The following RASGRP4 variants were observed in gnomAD, a reference collection of about 807,000 sequenced individuals.
RASGRP4 encodes the protein RAS guanyl-releasing protein 4.
Under a neutral mutation model 84.4 loss-of-function variants are expected in RASGRP4, and 52 were observed. The observed-to-expected ratio is 0.62, with a 90% CI of 0.49 to 0.78. RASGRP4 has a LOEUF of 0.78. RASGRP4 is among the 30% of genes least tolerant of loss of function. RASGRP4 has a pLI of 0.00. For missense variants in RASGRP4, 760 were observed against 886.9 expected (o/e 0.86, Z 1.82); for synonymous variants, 356 against 359.1 (o/e 0.99, Z 0.10).
Position 38,418,307 on chromosome 19 carries a change from A to C in RASGRP4, c.837+84T>G. 1.4e-6 allele frequency: 2 copies of C among 1,412,970 alleles called. No individual in the cohort carries two copies. The highest frequency in any genetic ancestry group is 1.9e-6 in the Non-Finnish European group (2 of 1,028,494). 87.5% of individuals were successfully genotyped at this position (1,412,970 alleles called of 1,614,324 possible). ...GATGCGTGACGTCACCGCCGGGATG[A>C]CCCTGTGGGGTCGAGGGTCTGGAAG... On this transcript the variant is annotated intron_variant, in intron 7 of 16. Coordinates refer to ENST00000615439, the MANE Select transcript of RASGRP4 (RefSeq NM_170604.3). The surrounding 1 kb of genome is among the most constrained non-coding windows in gnomAD (Gnocchi z 4.6).
At position 38,415,062 on chromosome 19, in the gene RASGRP4, G is replaced by T. The variant is rs758230627; in HGVS notation, c.1016C>A (p.Thr339Asn). 8.1e-6 allele frequency: 13 copies of T among 1,605,404 alleles called. No individual in the cohort carries two copies. The highest frequency in any genetic ancestry group is 2.2e-5 in the South Asian group (2 of 89,910). Residue 339 changes from threonine to asparagine, a missense_variant, in exon 9 of 17, where the codon ACC (threonine) becomes AAC (asparagine). Transcript: ENST00000615439. ...CCGGAAACCCGCGCAGCCAGCCCAG[G>T]TGCGGCGGTAGCGGGCGTAGTTGTT... ...SHNNYARYRR[T>N]WAGCAGFRLP...
At chr19:38,415,557 G>C (rs1447639271) in intron 8 of RASGRP4, among the ~76,000 whole-genome samples, 1 of 151,598 alleles carries the variant, frequency 6.6e-6, no homozygotes, top group Non-Finnish European at 1.5e-5. Flanking sequence ...ATTTTTAGTA[G>C]AGACAGGGTT....
intron 2 of RASGRP4, 79 bp from the exon 3 acceptor site, chr19:38,421,279 AC>A (rs1241204256): frequency 1.0e-5 from 11 of 1,058,900 alleles, no homozygotes; most frequent in Non-Finnish European, 1.4e-5. Flanking sequence ...CTGCCGGACC[AC>A]CTGGTTCAAA....
rs1182561638 is a variant in RASGRP4 at position 38,418,836 on chromosome 19, T to C, written c.664-272A>G. Among the ~76,000 whole-genome samples, 2 of 152,186 alleles carry C rather than the reference T, an allele frequency of 1.3e-5. No individual in the cohort carries two copies. The highest frequency in any genetic ancestry group is 2.9e-5 in the Non-Finnish European group (2 of 68,048). ...TCCTCATAACTCTATGAGGTGAGTA[T>C]CATTCCATTTTAGAGGTGAGACAGT... On this transcript the variant is annotated intron_variant, in intron 6 of 16. Transcript: ENST00000615439. The surrounding 1 kb of genome is among the most constrained non-coding windows in gnomAD (Gnocchi z 4.6).
In RASGRP4 at chr19:38,418,573, G is replaced by A. The variant is rs1971607619; in HGVS notation, c.664-9C>T. ...CTCCGCAGGTCCTGGGGCTGGGAGC[G>A]AGGTGGGTGTCAAGGTGGGCCGTGG... On this transcript the variant is annotated splice_polypyrimidine_tract_variant and intron_variant, in intron 6 of 16. Transcript: ENST00000615439. This position sits in a 1 kb window ranked among gnomAD's most constrained non-coding sequence, Gnocchi z 4.6. 2 of 1,504,130 alleles carry A rather than the reference G, an allele frequency of 1.3e-6. No homozygotes were observed. Among genetic ancestry groups the A allele is most frequent in the African/African-American group, 1.4e-5 (1 of 71,780 alleles). The allele number at this position is 1,504,130 out of a possible 1,614,324, so 93.2% of individuals were successfully genotyped here.
At position 38,412,377 on chromosome 19, in the gene RASGRP4, C is replaced by A. The variant is rs905713955; in HGVS notation, c.1680+295G>T. On this transcript the variant is annotated intron_variant, in intron 13 of 16. Coordinates refer to ENST00000615439, the MANE Select transcript of RASGRP4 (RefSeq NM_170604.3). This position sits in a 1 kb window ranked among gnomAD's most constrained non-coding sequence, Gnocchi z 4.6. ...GCTCAAGCAATCCGCCCACCTCAGC[C>A]TCCCCAAGTGCTGGGATTACAGGCG... The A allele has an allele frequency of 3.8e-5, 14 of 371,468 alleles. No individual in the cohort carries two copies. In the Admixed American group the frequency reaches 5.4e-4, roughly 14 times the overall value. The allele number at this position is 371,468 out of a possible 1,614,324, so 23.0% of individuals were successfully genotyped here. A position where few individuals can be genotyped will look rare whatever the true frequency, so the allele number is the denominator to read the frequency against.
At chr19:38,410,723 A>T (rs1400923383) in intron 16 of RASGRP4, among the ~76,000 whole-genome samples, 163 bp downstream of exon 16, 1 of 151,774 alleles carries the variant, frequency 6.6e-6, no homozygotes, top group East Asian at 1.9e-4. Flanking sequence ...CTATTTTTCT[A>T]TCAATATTAA....
intron 13 of RASGRP4, chr19:38,411,652 C>T (rs1971261992): frequency 4.6e-6 from 2 of 430,936 alleles, no homozygotes; most frequent in East Asian, 7.6e-5. Flanking sequence ...CATGATCGTA[C>T]CACGGCACTC....
At position 38,410,070 on chromosome 19, in the gene RASGRP4, T is replaced by C; in HGVS notation, c.1992A>G (p.Pro664=). The C allele has an allele frequency of 6.2e-7, 1 of 1,612,292 alleles. No homozygotes were observed. Among genetic ancestry groups the C allele is most frequent in the Non-Finnish European group, 8.5e-7 (1 of 1,179,138 alleles). ...DTVPCPVMDP[P]STASSKLDS ...AATCCAGCTTGGAGGATGCAGTTGA[T>C]GGTGGGTCCATCACCGGGCAGGGGA... Residue 664 remains proline, a synonymous_variant, in exon 17 of 17, where the codon CCA becomes CCG. Coordinates refer to ENST00000615439, the MANE Select transcript of RASGRP4 (RefSeq NM_170604.3).
chr19:38,417,140 G>A lies in RASGRP4; in HGVS notation c.866C>T (p.Thr289Met), dbSNP rs1971531679. 7 of 1,562,000 alleles carry A rather than the reference G, an allele frequency of 4.5e-6. No homozygotes were observed. The highest frequency in any genetic ancestry group is 2.4e-5 in the South Asian group (2 of 84,674). ...QRLHQLQNFN[T>M]LMAVTGGLCH... ...CAGGCCCCCTGTGACTGCCATCAGC[G>A]TGTTGAAATTCTGCAGCTGGTGGAG... Residue 289 changes from threonine (T) to methionine (M), a missense_variant, in exon 8 of 17, where the codon ACG becomes ATG. By Grantham distance (81) the Thr-to-Met change is moderately conservative (BLOSUM62 -1). Coordinates refer to ENST00000615439, the MANE Select transcript of RASGRP4 (RefSeq NM_170604.3). This position sits in a 1 kb window ranked among gnomAD's most constrained non-coding sequence, Gnocchi z 5.1.
In RASGRP4 at chr19:38,412,222, A is replaced by G. The variant is rs971576911; in HGVS notation, c.1680+450T>C. Among the ~76,000 whole-genome samples the G allele has an allele frequency of 2.6e-5, 4 of 152,052 alleles. No homozygotes were observed. Among genetic ancestry groups the G allele is most frequent in the African/African-American group, 9.7e-5 (4 of 41,390 alleles). ...AACCTCCACCTCCTGGGTTCAAGCA[A>G]TTCTCGTGCCTCAGCCTCCTGAGTA... On this transcript the variant is annotated intron_variant, in intron 13 of 16. Transcript: ENST00000615439. The surrounding 1 kb of genome is among the most constrained non-coding windows in gnomAD (Gnocchi z 4.6).
At chr19:38,421,014 C>T (rs1386010592) in intron 3 of RASGRP4, 44 bp from the exon 4 acceptor site, 2 of 1,608,988 alleles carry the variant, frequency 1.2e-6, no homozygotes, top group South Asian at 1.1e-5. Flanking sequence ...CCATGACCTG[C>T]CTGCTCCCCA....
chr19:38,423,570 C>T (rs1207768983), intron 1 of RASGRP4, among the ~76,000 whole-genome samples: 1 of 151,770 alleles, frequency 6.6e-6, no homozygotes, highest in African/African-American at 2.4e-5. Flanking sequence ...GTCACAGTGG[C>T]TCACGCCTGT....
In RASGRP4 at chr19:38,417,263, A is replaced by T; in HGVS notation, c.838-95T>A. ...TCCCAGTTGAGGTGGGGTCCCAGGC[A>T]TGTGTGGACCAATGTGGGGATCAGA... On this transcript the variant is annotated intron_variant, in intron 7 of 16. Coordinates refer to ENST00000615439, the MANE Select transcript of RASGRP4 (RefSeq NM_170604.3). The surrounding 1 kb of genome is among the most constrained non-coding windows in gnomAD (Gnocchi z 5.1). 1 of 777,468 alleles carries T rather than the reference A, an allele frequency of 1.3e-6. No homozygotes were observed. The highest frequency in any genetic ancestry group is 2.2e-6 in the Non-Finnish European group (1 of 449,866). 48.2% of individuals were successfully genotyped at this position (777,468 alleles called of 1,614,324 possible). A position where few individuals can be genotyped will look rare whatever the true frequency, so the allele number is the denominator to read the frequency against.
chr19:38,422,693 A>G (rs979494299), intron 1 of RASGRP4, among the ~76,000 whole-genome samples: 1 of 152,104 alleles, frequency 6.6e-6, no homozygotes, highest in Non-Finnish European at 1.5e-5. Context: ...CATCACCCCC[A>G]GATGGGAGCA....
Position 38,413,125 on chromosome 19 carries a change from C to T in RASGRP4, c.1416+68G>A. On this transcript the variant is annotated intron_variant, in intron 11 of 16. Transcript: ENST00000615439. This position sits in a 1 kb window ranked among gnomAD's most constrained non-coding sequence, Gnocchi z 4.7. ...CCCCATGGCCATAAGTCCCCACCTC[C>T]AGGCTCAGGGTTCTACAGATGTCTT... The T allele has an allele frequency of 1.3e-6, 2 of 1,580,238 alleles. No individual in the cohort carries two copies. The highest frequency in any genetic ancestry group is 1.1e-5 in the South Asian group (1 of 90,296).
chr19:38,417,582 G>A lies in RASGRP4; in HGVS notation c.838-414C>T, dbSNP rs985924893. On this transcript the variant is annotated intron_variant, in intron 7 of 16. Transcript: ENST00000615439. This position sits in a 1 kb window ranked among gnomAD's most constrained non-coding sequence, Gnocchi z 5.1. ...GCAAGAAGGTGCAGGCTCTGGGCAG[G>A]AGCTGGGAGCCAGGCAGAGGTGAAT... Among the ~76,000 whole-genome samples the A allele has an allele frequency of 2.2e-4, 33 of 152,238 alleles. No individual in the cohort carries two copies. Among genetic ancestry groups the A allele is most frequent in the Non-Finnish European group, 4.6e-4 (31 of 68,014 alleles).
intron 3 of RASGRP4, 29 bp downstream of exon 3, chr19:38,421,066 C>T (rs766374500): frequency 6.2e-7 from 1 of 1,608,196 alleles, no homozygotes; most frequent in Non-Finnish European, 8.5e-7. Flanking sequence ...CTCTGCCCTC[C>T]ACCCATAGCT....
intron 16 of RASGRP4, 101 bp downstream of exon 16, chr19:38,410,785 T>C (rs1181169812): frequency 7.4e-6 from 6 of 813,498 alleles, no homozygotes; most frequent in Admixed American, 2.2e-5. Flanking sequence ...GACTTCTGCA[T>C]ATTTGTACTT....
Sources: allele counts gnomAD v4.1 joint callset (sites outside exome capture counted in the v4.1 genomes callset), GRCh38; gene constraint gnomAD v4.1.1; non-coding constraint Gnocchi (gnomAD v3.1); transcripts MANE v1.5; gene names NCBI Gene and HGNC (gene_info 2026-07-23, HGNC 2026-07-21).